CDH13: variants seen among roughly 807,000 people sequenced by gnomAD.
CDH13 encodes the protein cadherin 13, also known as cadherin-13.
A neutral mutation model predicts 63.8 loss-of-function variants in CDH13; 24 were observed. That is an observed-to-expected ratio of 0.38 (90% CI 0.27 to 0.53). The LOEUF is 0.53. CDH13 is among the 20% of genes least tolerant of loss of function. CDH13 has a pLI of 0.85. For missense variants in CDH13, 1,049 were observed against 903.1 expected, an observed-to-expected ratio of 1.16 and a Z score of -2.07; for synonymous variants, 503 against 355.3, an observed-to-expected ratio of 1.42 and a Z score of -4.67.
chr16:83,543,563 C>T (rs576495855), intron 7 of CDH13, among the ~76,000 whole-genome samples: 6 of 152,314 alleles, frequency 3.9e-5, no homozygotes, highest in Non-Finnish European at 5.9e-5. Context: ...TCCCAGCAAC[C>T]TCTAGCTTGG....
chr16:83,452,073 C>G (rs1335738363), intron 6 of CDH13, among the ~76,000 whole-genome samples: 1 of 152,124 alleles, frequency 6.6e-6, no homozygotes, highest in Non-Finnish European at 1.5e-5. Context: ...TAATGTCACA[C>G]GCACTCCCCA....
At chr16:83,519,745 A>G (rs2074785372) in intron 7 of CDH13, among the ~76,000 whole-genome samples, 1 of 152,188 alleles carries the variant, frequency 6.6e-6, no homozygotes, top group Admixed American at 6.5e-5. Flanking sequence ...GAGGAAAGAA[A>G]GGTGCCTCAA....
At chr16:82,988,633 T>C (rs566196156) in intron 2 of CDH13, among the ~76,000 whole-genome samples, 10 of 151,944 alleles carry the variant, frequency 6.6e-5, no homozygotes, top group African/African-American at 2.4e-4. Flanking sequence ...TGTTGGTGGG[T>C]GCCTGTAATC....
intron 7 of CDH13, among the ~76,000 whole-genome samples, chr16:83,555,583 T>C (rs1429574945): frequency 6.6e-6 from 1 of 152,196 alleles, no homozygotes; most frequent in Non-Finnish European, 1.5e-5. Flanking sequence ...GATTTCCAGA[T>C]GTAAAGTTAA....
chr16:83,057,574 G>A (rs771550280), intron 3 of CDH13, among the ~76,000 whole-genome samples: 13 of 133,452 alleles, frequency 9.7e-5, no homozygotes, highest in Non-Finnish European at 1.7e-4. Flanking sequence ...ATCTTTTACT[G>A]CCACTTTCTA....
intron 2 of CDH13, among the ~76,000 whole-genome samples, chr16:82,876,027 C>G (rs1182546801): frequency 1.3e-5 from 2 of 152,156 alleles, no homozygotes; most frequent in Non-Finnish European, 2.9e-5. Flanking sequence ...TGCAGGGGAA[C>G]TCCTCTTTTT....
At chr16:82,752,833 C>T (rs890767309) in intron 1 of CDH13, among the ~76,000 whole-genome samples, 5 of 152,204 alleles carry the variant, frequency 3.3e-5, no homozygotes, top group South Asian at 4.1e-4. Flanking sequence ...CTACCAATGA[C>T]GTATCATAGA....
chr16:83,000,574 C>CTTTTTTTT (rs561787532), intron 2 of CDH13, among the ~76,000 whole-genome samples: 2 of 127,740 alleles, frequency 1.6e-5, no homozygotes, highest in African/African-American at 3.0e-5. Flanking sequence ...TTTCTTTTCT[C>CTTTTTTTT]TTTTTTTTTT....
chr16:83,210,973 C>G (rs1427806611), intron 4 of CDH13, among the ~76,000 whole-genome samples: 1 of 151,664 alleles, frequency 6.6e-6, no homozygotes, highest in Non-Finnish European at 1.5e-5. Flanking sequence ...CACAGTGAAA[C>G]CCTGTCTCTA....
At chr16:83,414,117 G>A (rs919901797) in intron 6 of CDH13, among the ~76,000 whole-genome samples, 8 of 152,152 alleles carry the variant, frequency 5.3e-5, no homozygotes, top group Non-Finnish European at 8.8e-5. Context: ...TTTTATAGAA[G>A]TACTCTCTGA....
intron 2 of CDH13, among the ~76,000 whole-genome samples, chr16:82,942,683 G>A (rs1431739787): frequency 6.6e-6 from 1 of 152,260 alleles, no homozygotes; most frequent in East Asian, 1.9e-4. Flanking sequence ...AACAATAAAA[G>A]AAGGAAGATG....
intron 3 of CDH13, among the ~76,000 whole-genome samples, chr16:83,091,668 A>C (rs1215068720): frequency 1.3e-5 from 2 of 152,312 alleles, no homozygotes; most frequent in Non-Finnish European, 2.9e-5. Flanking sequence ...TTATAAACAT[A>C]CCTCATCAGA....
chr16:83,393,858 G>A (rs141510611), intron 6 of CDH13, among the ~76,000 whole-genome samples: 2 of 152,182 alleles, frequency 1.3e-5, no homozygotes, highest in East Asian at 3.9e-4. Context: ...AATACATTAG[G>A]CAATGAGAAC....
intron 3 of CDH13, among the ~76,000 whole-genome samples, chr16:83,070,589 A>G (rs529756637): frequency 1.3e-5 from 2 of 152,304 alleles, no homozygotes; most frequent in East Asian, 1.9e-4. Flanking sequence ...GTTGCTTTAG[A>G]AAAGCAAACA....
intron 7 of CDH13, among the ~76,000 whole-genome samples, chr16:83,583,989 C>T (rs4782827): frequency 0.24 from 36,607 of 151,940 alleles, 4,866 homozygotes; most frequent in Middle Eastern, 0.29. Flanking sequence ...GGCTTAAAGT[C>T]CTTGCTGTTT....
chr16:82,697,998 G>A (rs1597351267), intron 1 of CDH13, among the ~76,000 whole-genome samples: 1 of 152,232 alleles, frequency 6.6e-6, no homozygotes, highest in Middle Eastern at 3.4e-3. Context: ...GCATGTTAAT[G>A]TTCCAGCGCA....
chr16:82,719,593 C>G (rs2032625987), intron 1 of CDH13: 1 of 357,462 alleles, frequency 2.8e-6, no homozygotes, highest in Middle Eastern at 7.2e-4. Context: ...TGTCTGTAAT[C>G]CCAGCACTTT....
At chr16:83,523,382 C>T (rs975876752) in intron 7 of CDH13, among the ~76,000 whole-genome samples, 1 of 152,232 alleles carries the variant, frequency 6.6e-6, no homozygotes, top group African/African-American at 2.4e-5. Context: ...TGACCTAGCC[C>T]ATGCTCTTCA....
intron 3 of CDH13, among the ~76,000 whole-genome samples, chr16:83,036,511 C>A (rs972286770): frequency 6.6e-6 from 1 of 152,122 alleles, no homozygotes; most frequent in Non-Finnish European, 1.5e-5. Flanking sequence ...AGTAAACCTG[C>A]ACAATGTTCA....
Sources: gnomAD v4.1 joint callset for allele counts (sites outside exome capture counted in the v4.1 genomes callset) on GRCh38, gnomAD v4.1.1 for gene constraint, MANE v1.5 for transcripts, NCBI Gene and HGNC (gene_info 2026-07-23, HGNC 2026-07-21) for gene names.